LARGE1: variants seen among roughly 807,000 people sequenced by gnomAD.
LARGE1 encodes LARGE xylosyl- and glucuronyltransferase 1.
LARGE1 carries 43 observed loss-of-function variants against 87.6 expected under a neutral mutation model. The observed-to-expected ratio is 0.49, with a 90% confidence interval of 0.38 to 0.63. The LOEUF is 0.63. Ranked by LOEUF, LARGE1 falls within the 30% of genes least tolerant of loss-of-function variation. The probability of loss-of-function intolerance (pLI) is 0.00; values close to 1 mark genes in which losing one functional copy is unlikely to be tolerated. For synonymous variants in LARGE1, 434 were observed against 394.6 expected, an observed-to-expected ratio of 1.10 and a Z score of -1.18; for missense variants, 802 against 1,000.2, an observed-to-expected ratio of 0.80 and a Z score of 2.67.
In LARGE1 at chr22:33,408,147, A is replaced by AT. The variant is rs946497972; in HGVS notation, c.893-23844dup. Reference sequence around the variant, plus strand: ...AGGCGTGCAACACCACGCCCAGCTAATTTTTTTTTGTATTTTTAACAAAGA... The same window carrying AT: ...AGGCGTGCAACACCACGCCCAGCTAATTTTTTTTTTGTATTTTTAACAAAGA... On this transcript the variant is annotated intron_variant, in intron 7 of 14. Transcript: ENST00000397394. Among the ~76,000 whole-genome samples, 539 of 151,040 alleles carry AT rather than the reference A, an allele frequency of 3.6e-3. 3 individuals carry two copies. Among genetic ancestry groups the AT allele is most frequent in the African/African-American group, 0.012 (501 of 41,138 alleles).
the LARGE1 span, among the ~76,000 whole-genome samples, chr22:33,141,609 C>T: frequency 6.6e-6 from 1 of 151,922 alleles, no homozygotes; most frequent in African/African-American, 2.4e-5. Context: ...GTAAAAGGGA[C>T]AGTAGTTATA....
At chr22:33,795,687 A>G (rs1005327071) in intron 1 of LARGE1, among the ~76,000 whole-genome samples, 1 of 152,226 alleles carries the variant, frequency 6.6e-6, no homozygotes. Context: ...GCCCTAAAAA[A>G]GGATGCGTTC....
chr22:33,767,142 T>C (rs1181421245), intron 1 of LARGE1, among the ~76,000 whole-genome samples: 1 of 150,866 alleles, frequency 6.6e-6, no homozygotes, highest in Non-Finnish European at 1.5e-5. Context: ...GGTGAAATCC[T>C]GTCTCTACTA....
chr22:33,608,487 C>A (rs1164118673), intron 4 of LARGE1, among the ~76,000 whole-genome samples: 1 of 152,166 alleles, frequency 6.6e-6, no homozygotes, highest in Non-Finnish European at 1.5e-5. Flanking sequence ...AGCTCATCCG[C>A]CATCTGTAGC....
At chr22:33,909,409 C>T (rs1164809412) in intron 1 of LARGE1, among the ~76,000 whole-genome samples, 1 of 152,182 alleles carries the variant, frequency 6.6e-6, no homozygotes, top group Non-Finnish European at 1.5e-5. Context: ...GTCCCAGGCA[C>T]GATGCAGGTG....
the LARGE1 span, among the ~76,000 whole-genome samples, chr22:33,090,930 T>C: frequency 6.6e-6 from 1 of 152,204 alleles, no homozygotes; most frequent in Non-Finnish European, 1.5e-5. Context: ...GGCAGCCCTC[T>C]TTCCAGTCCT....
At chr22:33,681,953 G>A (rs535445226) in intron 2 of LARGE1, among the ~76,000 whole-genome samples, 8 of 152,270 alleles carry the variant, frequency 5.3e-5, no homozygotes, top group African/African-American at 1.9e-4. Context: ...CAGATAACAG[G>A]AAAAGGCTAG....
At chr22:33,784,656 G>A (rs769357871) in intron 1 of LARGE1, among the ~76,000 whole-genome samples, 2 of 152,036 alleles carry the variant, frequency 1.3e-5, no homozygotes, top group Non-Finnish European at 2.9e-5. Context: ...AGTCTGTTCT[G>A]CTTTCAGGAG....
chr22:33,663,149 A>G (rs1396184630), intron 2 of LARGE1, among the ~76,000 whole-genome samples: 2 of 152,202 alleles, frequency 1.3e-5, no homozygotes, highest in African/African-American at 2.4e-5. Context: ...GAAACCGATC[A>G]GGGAGAGAGG....
intron 7 of LARGE1, among the ~76,000 whole-genome samples, chr22:33,394,384 G>C (rs2065646360): frequency 6.6e-6 from 1 of 152,086 alleles, no homozygotes; most frequent in Non-Finnish European, 1.5e-5. Context: ...ATTTTTAGTA[G>C]AGACGGGGTT....
intron 12 of LARGE1, among the ~76,000 whole-genome samples, chr22:33,291,818 C>T (rs566747996): frequency 8.5e-5 from 13 of 152,050 alleles, no homozygotes; most frequent in East Asian, 3.9e-4. Flanking sequence ...TGGGGCCGGG[C>T]GTGGTGGCTC....
At chr22:33,739,205 G>A (rs1485931400) in intron 2 of LARGE1, among the ~76,000 whole-genome samples, 2 of 151,532 alleles carry the variant, frequency 1.3e-5, no homozygotes, top group African/African-American at 2.4e-5. Context: ...AACTTGATGG[G>A]CGCTGAGTTA....
At chr22:33,473,712 G>A (rs973402634) in intron 6 of LARGE1, among the ~76,000 whole-genome samples, 1 of 151,356 alleles carries the variant, frequency 6.6e-6, no homozygotes. Flanking sequence ...CCAAAGTGCT[G>A]GGATTACAGG....
chr22:33,509,287 T>C (rs1481408289), intron 6 of LARGE1, among the ~76,000 whole-genome samples: 1 of 152,016 alleles, frequency 6.6e-6, no homozygotes, highest in African/African-American at 2.4e-5. Flanking sequence ...GCCTCATCAA[T>C]ACTCTCCTTC....
chr22:33,416,269 T>C lies in LARGE1; in HGVS notation c.892+15892A>G, dbSNP rs141671558. Among the ~76,000 whole-genome samples the C allele has an allele frequency of 2.2e-3, 340 of 152,304 alleles. 2 individuals are homozygous for C. The highest frequency in any genetic ancestry group is 7.9e-3 in the African/African-American group (327 of 41,570). On this transcript the variant is annotated intron_variant, in intron 7 of 14. Transcript: ENST00000397394. ...CCTTCAGTGAAACTAAAAACCACCGTGTGTGCTGCTCTGGCCATCCCAAGT... is the reference window on the plus strand; with the variant it reads ...CCTTCAGTGAAACTAAAAACCACCGCGTGTGCTGCTCTGGCCATCCCAAGT...
downstream of LARGE1, among the ~76,000 whole-genome samples, chr22:33,157,392 C>T (rs763643540): frequency 6.6e-6 from 1 of 152,174 alleles, no homozygotes; most frequent in Non-Finnish European, 1.5e-5. Context: ...TGTTTTCCCA[C>T]TTTTTTAAGG....
the LARGE1 span, among the ~76,000 whole-genome samples, chr22:33,082,294 T>C: frequency 2.0e-5 from 3 of 152,244 alleles, no homozygotes; most frequent in Non-Finnish European, 2.9e-5. Context: ...CTACATGTTC[T>C]TCCTCTGTGC....
chr22:33,836,630 G>C (rs1443881971), intron 1 of LARGE1, among the ~76,000 whole-genome samples: 1 of 152,072 alleles, frequency 6.6e-6, no homozygotes, highest in African/African-American at 2.4e-5. Context: ...ATGGCTTCGA[G>C]TGGCAGCCCA....
chr22:33,633,917 A>T (rs1321694449), intron 3 of LARGE1, among the ~76,000 whole-genome samples: 1 of 152,180 alleles, frequency 6.6e-6, no homozygotes, highest in Non-Finnish European at 1.5e-5. Flanking sequence ...CAACAAGAGC[A>T]GAGAGACCTC....
Sources: allele counts gnomAD v4.1 joint callset (sites outside exome capture counted in the v4.1 genomes callset), GRCh38; gene constraint gnomAD v4.1.1; transcripts MANE v1.5; gene names NCBI Gene and HGNC (gene_info 2026-07-23, HGNC 2026-07-21).